PUM2: variants seen among roughly 807,000 people sequenced by gnomAD.
PUM2 encodes pumilio homolog 2.
In PUM2, 57 loss-of-function variants were observed where a neutral mutation model predicts 124.5. The observed-to-expected ratio is 0.46, with a 90% CI of 0.37 to 0.57. PUM2 has a LOEUF of 0.57. PUM2 is among the 20% of genes least tolerant of loss of function. PUM2 has a pLI of 0.00. For synonymous variants in PUM2, 460 were observed against 446.1 expected (o/e 1.03, Z -0.39); for missense variants, 1,065 against 1,290.6 (o/e 0.83, Z 2.68).
chr2:20,321,343 G>A (rs370874405), intron 2 of PUM2, among the ~76,000 whole-genome samples: 7 of 152,270 alleles, frequency 4.6e-5, no homozygotes, highest in South Asian at 4.1e-4. Flanking sequence ...TGGGAAGCGG[G>A]GGGGAGGGGA....
chr2:20,331,310 G>A (rs1042181247), intron 1 of PUM2, among the ~76,000 whole-genome samples: 4 of 152,006 alleles, frequency 2.6e-5, no homozygotes, highest in Non-Finnish European at 5.9e-5. Flanking sequence ...ATTTAAAGAT[G>A]GACCTAACTC....
intron 15 of PUM2, among the ~76,000 whole-genome samples, chr2:20,259,274 ATT>A (rs948437962): frequency 1.3e-5 from 2 of 152,166 alleles, no homozygotes; most frequent in South Asian, 4.2e-4. Context: ...TCATGTTAAA[ATT>A]TTTTTTGTGA....
chr2:20,296,220 G>T lies in PUM2; in HGVS notation c.1009+1333C>A, dbSNP rs1407605918. ...GACTTTAAAAATCAGTCTTGGCCGG[G>T]CGCGGTGGCTCACGCCTGTAATCCC... On this transcript the variant is annotated intron_variant, in intron 8 of 20. Transcript: ENST00000361078. Among the ~76,000 whole-genome samples, 7 of 152,188 alleles carry T rather than the reference G, an allele frequency of 4.6e-5. 1 individual carries two copies. The highest frequency in any genetic ancestry group is 1.2e-4 in the African/African-American group (5 of 41,448).
intron 13 of PUM2, among the ~76,000 whole-genome samples, chr2:20,274,972 A>AAAAAAAAAAAAAAAAAAAAAAAC (rs1258173165): frequency 6.8e-6 from 1 of 147,500 alleles, no homozygotes; most frequent in African/African-American, 2.5e-5. Context: ...AAAAAAAAAA[A>AAAAAAAAAAAAAAAAAAAAAAAC]AAGATGCTTA....
At position 20,341,276 on chromosome 2, in the gene PUM2, TATAAAG is replaced by T. The variant is rs547059688; in HGVS notation, c.-19+9315_-19+9320del. ...AGCACCAACACAAATGAATTAACTA[TATAAAG>T]ATATTTACTGCAGCACCACTTATAT... On this transcript the variant is annotated intron_variant, in intron 1 of 20. Coordinates refer to ENST00000361078, the MANE Select transcript of PUM2 (RefSeq NM_015317.5). Among the ~76,000 whole-genome samples the T allele has an allele frequency of 1.6e-3, 247 of 152,162 alleles. 2 individuals are homozygous for T. Among genetic ancestry groups the T allele is most frequent in the African/African-American group, 5.8e-3 (242 of 41,482 alleles).
chr2:20,327,614 AAG>A, intron 1 of PUM2, among the ~76,000 whole-genome samples: 1 of 152,326 alleles, frequency 6.6e-6, no homozygotes, highest in South Asian at 2.1e-4. Context: ...CAACTATGTG[AAG>A]GCAATGAAAA....
chr2:20,265,528 G>T (rs1046076142), intron 13 of PUM2, among the ~76,000 whole-genome samples: 20 of 152,110 alleles, frequency 1.3e-4, no homozygotes, highest in Non-Finnish European at 1.2e-4. Flanking sequence ...ACAGCCACTG[G>T]GTTTTCTCTA....
At chr2:20,305,791 C>T (rs1678126059) in intron 7 of PUM2, among the ~76,000 whole-genome samples, 2 of 151,996 alleles carry the variant, frequency 1.3e-5, no homozygotes, top group Admixed American at 6.6e-5. Flanking sequence ...AAGCCATTTA[C>T]AATAACAAAA....
In PUM2 at chr2:20,282,949, G is replaced by A; in HGVS notation, c.1718C>T (p.Ser573Leu). The A allele has an allele frequency of 6.2e-7, 1 of 1,612,636 alleles. No individual in the cohort carries two copies. Among genetic ancestry groups the A allele is most frequent in the East Asian group, 2.2e-5 (1 of 44,866 alleles). ...IGSALSGFGS[S>L]VGSSASSSAT... ...ACTCATCGTAAAAACAAACTTACCT[G>A]ATGAACCAAATCCACTGAGGGCTGA... The change falls in exon 12 of 21, where the codon TCA becomes TTA. Residue 573 changes from serine (S) to leucine (L), a missense_variant and splice_region_variant. Physicochemically the swap from Ser to Leu is moderately radical, Grantham distance 145. This residue lies in a region of PUM2 where 968 missense variants were observed against 1,159.8 expected (regional missense o/e 0.83). Transcript: ENST00000361078.
intron 13 of PUM2, among the ~76,000 whole-genome samples, chr2:20,266,535 A>G (rs1667704934): frequency 6.6e-6 from 1 of 152,076 alleles, no homozygotes; most frequent in Non-Finnish European, 1.5e-5. Flanking sequence ...CCAGAAACTA[A>G]TTCACTGAAA....
At chr2:20,253,646 T>C (rs955434667) in intron 20 of PUM2, among the ~76,000 whole-genome samples, 176 bp downstream of exon 20, 1 of 152,060 alleles carries the variant, frequency 6.6e-6, no homozygotes, top group Non-Finnish European at 1.5e-5. Flanking sequence ...TGCCTGGCCA[T>C]GATAACCTTA....
At chr2:20,336,748 CTGTGTGTGTGTGTGTGTGTGTGTGTGTG>C (rs70939037) in intron 1 of PUM2, among the ~76,000 whole-genome samples, 2,276 of 97,506 alleles carry the variant, frequency 0.023, 32 homozygotes, top group Non-Finnish European at 0.029. Context: ...CCAGGCTGAT[CTGTGTGTGTGTGTGTGTGTGTGTGTGTG>C]TGTGTGTGTG....
rs1298582849 is a variant in PUM2, at chr2:20,312,407, C to A, written c.177G>T (p.Gln59His). The A allele has an allele frequency of 6.2e-7, 1 of 1,613,272 alleles. No homozygotes were observed. The highest frequency in any genetic ancestry group is 2.2e-5 in the East Asian group (1 of 44,834). Residue 59 changes from glutamine to histidine, a missense_variant, in exon 4 of 21, where the codon CAG becomes CAT. Gln to His is a conservative substitution (Grantham distance 24, BLOSUM62 0). Transcript: ENST00000361078. ...CAGATCTTCTCTGTACCATAATAGGCTGGGACATTGAATGGTCTGTTTGGA... is the reference window on the plus strand; with the variant it reads ...CAGATCTTCTCTGTACCATAATAGGATGGGACATTGAATGGTCTGTTTGGA... ...AWGASHHSMSQPIMVQRRSGQ... is the reference protein window; with the variant it reads ...AWGASHHSMSHPIMVQRRSGQ...
intron 3 of PUM2, among the ~76,000 whole-genome samples, chr2:20,316,695 G>A (rs984361624): frequency 6.6e-6 from 1 of 151,998 alleles, no homozygotes; most frequent in African/African-American, 2.4e-5. Context: ...GACCAGCCTG[G>A]GTAACATAGT....
chr2:20,254,073 C>T, intron 19 of PUM2, 59 bp from the exon 20 acceptor site: 1 of 1,449,018 alleles, frequency 6.9e-7, no homozygotes, highest in Non-Finnish European at 9.4e-7. Context: ...GCAAAATTTC[C>T]TTGACTTATA....
At chr2:20,268,001 T>A (rs1440684311) in intron 13 of PUM2, among the ~76,000 whole-genome samples, 1 of 152,138 alleles carries the variant, frequency 6.6e-6, no homozygotes, top group Non-Finnish European at 1.5e-5. Flanking sequence ...TCTGTGGAGA[T>A]AAAGCAGGTC....
At chr2:20,265,100 A>T (rs1667323002) in intron 13 of PUM2, among the ~76,000 whole-genome samples, 1 of 152,094 alleles carries the variant, frequency 6.6e-6, no homozygotes, top group Non-Finnish European at 1.5e-5. Flanking sequence ...ATACAAAAAA[A>T]AATTAGCTGG....
intron 1 of PUM2, chr2:20,350,216 A>G (rs1689038238): frequency 6.5e-6 from 1 of 153,016 alleles, no homozygotes; most frequent in African/African-American, 2.4e-5. Context: ...TGCAATCCGC[A>G]TGCTTCTCTG....
In PUM2 at chr2:20,350,644, G is replaced by A; in HGVS notation, c.-66C>T. The stretch of plus-strand genomic sequence containing the variant: ...CTCAGCCGGGGACACCGACCGTTGG[G>A]CACACGGCGGCGTCGCTCTTGGCGG... On this transcript the variant is annotated 5_prime_UTR_variant, in exon 1 of 21. Transcript: ENST00000361078. 3 of 985,430 alleles carry A rather than the reference G, an allele frequency of 3.0e-6. No homozygotes were observed. The highest frequency in any genetic ancestry group is 3.6e-6 in the Non-Finnish European group (3 of 829,998). The allele number at this position is 985,430 out of a possible 1,614,324, so 61.0% of individuals were successfully genotyped here.
Sources: allele counts gnomAD v4.1 joint callset (sites outside exome capture counted in the v4.1 genomes callset), GRCh38; gene constraint gnomAD v4.1.1; regional missense constraint gnomAD v4.1.1; transcripts MANE v1.5; gene names NCBI Gene and HGNC (gene_info 2026-07-23, HGNC 2026-07-21).